The following RYR3 variants were observed in gnomAD, a reference collection of about 807,000 sequenced individuals.
RYR3 encodes brain ryanodine receptor-calcium release channel.
A neutral mutation model predicts 584.3 loss-of-function variants in RYR3; 207 were observed. The observed-to-expected ratio is 0.35, with a 90% CI of 0.32 to 0.40. RYR3 has a LOEUF of 0.40. RYR3 is among the 10% of genes least tolerant of loss of function. The probability of loss-of-function intolerance (pLI) is 1.00; values close to 1 mark genes in which losing one functional copy is unlikely to be tolerated. For missense variants in RYR3, 5,616 were observed against 6,089.2 expected (o/e 0.92, Z 2.59); for synonymous variants, 2,416 against 2,248.5 (o/e 1.07, Z -2.11).
chr15:33,638,754 G>T (rs766440385), intron 27 of RYR3, among the ~76,000 whole-genome samples: 4 of 152,216 alleles, frequency 2.6e-5, no homozygotes, highest in Non-Finnish European at 5.9e-5. Context: ...ATGCAGAGCA[G>T]TAAGTTATCA....
intron 1 of RYR3, among the ~76,000 whole-genome samples, chr15:33,471,848 C>A (rs1004309180): frequency 1.3e-5 from 2 of 152,118 alleles, no homozygotes; most frequent in African/African-American, 4.8e-5. Flanking sequence ...ACACAAACAG[C>A]ACATCTCAGT....
At chr15:33,853,162 C>T (rs982729783) in intron 95 of RYR3, 75 bp downstream of exon 95, 1 of 1,216,750 alleles carries the variant, frequency 8.2e-7, no homozygotes, top group Non-Finnish European at 1.1e-6. Flanking sequence ...TCTCCACATA[C>T]AAACATGAGT....
chr15:33,545,855 T>G (rs2056199729), intron 8 of RYR3, among the ~76,000 whole-genome samples: 1 of 152,100 alleles, frequency 6.6e-6, no homozygotes, highest in African/African-American at 2.4e-5. Flanking sequence ...TCGTTTTCAG[T>G]CCCTGTAAAT....
Position 33,347,465 on chromosome 15 carries a change from G to C in RYR3, c.51+36369G>C, listed in dbSNP as rs992420438. 3.5e-5 allele frequency among the ~76,000 whole-genome samples: 4 copies of C among 113,804 alleles called. No homozygotes were observed. The Admixed American group carries it at 3.7e-4, about 10-fold the overall frequency. The allele number at this position is 113,804 out of a possible 152,430, so 74.7% of individuals were successfully genotyped here. A position where few individuals can be genotyped will look rare whatever the true frequency, so the allele number is the denominator to read the frequency against. On this transcript the variant is annotated intron_variant, in intron 1 of 103. Transcript: ENST00000634891. The stretch of plus-strand genomic sequence containing the variant: ...ACATTGGGAGCTTTTTTTTTTTTTT[G>C]AGACGGAGTCTTGCTCTGTCGCCCA...
intron 60 of RYR3, among the ~76,000 whole-genome samples, chr15:33,766,642 C>T (rs1169708706): frequency 2.6e-5 from 4 of 152,230 alleles, no homozygotes; most frequent in Admixed American, 6.5e-5. Context: ...AACCTAGAGC[C>T]GATCAGCCTT....
intron 1 of RYR3, among the ~76,000 whole-genome samples, chr15:33,317,481 G>C (rs564189470): frequency 3.3e-5 from 5 of 152,224 alleles, no homozygotes; most frequent in Admixed American, 1.3e-4. Context: ...TGGAAGTCAG[G>C]GGGGGTGTTT....
chr15:33,477,162 C>T (rs778929979), intron 2 of RYR3, among the ~76,000 whole-genome samples: 4 of 152,140 alleles, frequency 2.6e-5, no homozygotes, highest in African/African-American at 7.2e-5. Context: ...CAGCTGGCTA[C>T]AGAGCCTACC....
chr15:33,680,294 C>T (rs769777400), intron 38 of RYR3, among the ~76,000 whole-genome samples: 1 of 152,144 alleles, frequency 6.6e-6, no homozygotes, highest in African/African-American at 2.4e-5. Flanking sequence ...TTTTCAGATG[C>T]GTTCAGCAAA....
intron 68 of RYR3, among the ~76,000 whole-genome samples, chr15:33,801,436 A>T (rs963725418): frequency 2.0e-5 from 3 of 152,174 alleles, no homozygotes; most frequent in African/African-American, 2.4e-5. Flanking sequence ...AGGGAAGGGG[A>T]TTCTCTACAG....
At chr15:33,559,944 C>T (rs1209827696) in intron 10 of RYR3, among the ~76,000 whole-genome samples, 1 of 152,158 alleles carries the variant, frequency 6.6e-6, no homozygotes, top group Non-Finnish European at 1.5e-5. Context: ...TAGAAGTACT[C>T]TTAGTCCAAT....
rs533293040 is a variant in RYR3 at position 33,448,004 on chromosome 15, C to T, written c.52-25415C>T. ...ATAAAAATATATTTTCTAAAATTAC[C>T]AATGTAAGAGATAGAAAATGGTCCT... On this transcript the variant is annotated intron_variant, in intron 1 of 103. Transcript: ENST00000634891. Among the ~76,000 whole-genome samples, 229 of 152,200 alleles carry T rather than the reference C, an allele frequency of 1.5e-3. 1 individual carries two copies. Among genetic ancestry groups the T allele is most frequent in the African/African-American group, 5.5e-3 (227 of 41,514 alleles).
intron 16 of RYR3, among the ~76,000 whole-genome samples, chr15:33,596,503 G>GGGA (rs1555547387): frequency 6.9e-6 from 1 of 145,370 alleles, no homozygotes; most frequent in Non-Finnish European, 1.5e-5. Flanking sequence ...TTTGGGGGGG[G>GGGA]GGGATTTCTG....
At chr15:33,850,873 A>G (rs1307470642) in intron 94 of RYR3, 1 of 152,128 alleles carries the variant, frequency 6.6e-6, no homozygotes, top group East Asian at 1.9e-4. Context: ...TAATTCTTAA[A>G]TAATTAGCAA....
chr15:33,313,796 A>C (rs1175288637), intron 1 of RYR3, among the ~76,000 whole-genome samples: 2 of 152,244 alleles, frequency 1.3e-5, no homozygotes, highest in African/African-American at 4.8e-5. Context: ...GCCATCCCAG[A>C]GAGCAGAAGC....
chr15:33,522,110 A>AG (rs2054039856), intron 3 of RYR3, among the ~76,000 whole-genome samples: 1 of 149,552 alleles, frequency 6.7e-6, no homozygotes, highest in Non-Finnish European at 1.5e-5. Flanking sequence ...AAAAAAAAAA[A>AG]AAACTAGCCA....
intron 1 of RYR3, among the ~76,000 whole-genome samples, chr15:33,383,465 G>A (rs1363175417): frequency 6.6e-6 from 1 of 151,846 alleles, no homozygotes; most frequent in East Asian, 1.9e-4. Flanking sequence ...AATAGCATGA[G>A]TTAATGTCCG....
intron 38 of RYR3, 74 bp downstream of exon 38, chr15:33,670,630 C>T: frequency 2.8e-6 from 4 of 1,414,372 alleles, no homozygotes; most frequent in Non-Finnish European, 3.8e-6. Flanking sequence ...TAAACAAATA[C>T]TGTAAGATAG....
chr15:33,473,460 G>T lies in RYR3; in HGVS notation c.93G>T (p.Lys31Asn). 6.2e-7 allele frequency: 1 copy of T among 1,613,922 alleles called. No individual in the cohort carries two copies. The change falls in exon 2 of 104, where the codon AAG becomes AAT. Residue 31 changes from lysine (K) to asparagine (N), a missense_variant. By Grantham distance (94) the Lys-to-Asn change is moderately conservative. This residue lies in a region of RYR3 where 1,284 missense variants were observed against 1,344.6 expected (regional missense o/e 0.95). Transcript: ENST00000634891. ...VVLQCIATIHKEQRKFCLAAE... is the reference protein window; with the variant it reads ...VVLQCIATIHNEQRKFCLAAE... ...TCCAGTGCATCGCCACCATTCATAA[G>T]GAGCAGAGGAAGTTCTGCCTGGCAG...
At chr15:33,341,467 C>T (rs118011511) in intron 1 of RYR3, among the ~76,000 whole-genome samples, 2,175 of 152,312 alleles carry the variant, frequency 0.014, 19 homozygotes, top group Non-Finnish European at 0.022. Flanking sequence ...CCTTATCATT[C>T]TAATATTAAA....
Sources: gnomAD v4.1 joint callset for allele counts (sites outside exome capture counted in the v4.1 genomes callset) on GRCh38, gnomAD v4.1.1 for gene constraint, gnomAD v4.1.1 regional missense constraint, MANE v1.5 for transcripts, NCBI Gene and HGNC (gene_info 2026-07-23, HGNC 2026-07-21) for gene names.